ANKRD31: variants seen among roughly 807,000 people sequenced by gnomAD.
The protein encoded by ANKRD31 is ankyrin repeat domain 31, also known as ankyrin repeat domain-containing protein 31.
ANKRD31 carries 147 observed loss-of-function variants against 186.0 expected under a neutral mutation model. The observed-to-expected ratio is 0.79, with a 90% CI of 0.69 to 0.91. The LOEUF (loss-of-function observed/expected upper bound fraction) is 0.91, where lower values mean the gene tolerates loss of function less well. ANKRD31 is among the 40% of genes least tolerant of loss of function. The probability of loss-of-function intolerance (pLI) is 0.00; values close to 1 mark genes in which losing one functional copy is unlikely to be tolerated. For missense variants in ANKRD31, 1,986 were observed against 2,148.8 expected (o/e 0.92, Z 1.50); for synonymous variants, 673 against 736.4 (o/e 0.91, Z 1.39).
chr5:75,175,154 T>C (rs1561504173), intron 10 of ANKRD31, among the ~76,000 whole-genome samples: 1 of 152,212 alleles, frequency 6.6e-6, no homozygotes, highest in Non-Finnish European at 1.5e-5. Context: ...CCGCATGTTC[T>C]CACTCATAGG....
chr5:75,097,944 G>A lies in ANKRD31; in HGVS notation c.5331+6284C>T, dbSNP rs183680256. Reference sequence around the variant, plus strand: ...TTTCCCCATTTCTTGTTTTTGTCAGGTTTGTCAAAGATCAGATCGTTGTAG... The same window carrying A: ...TTTCCCCATTTCTTGTTTTTGTCAGATTTGTCAAAGATCAGATCGTTGTAG... On this transcript the variant is annotated intron_variant, in intron 22 of 25. Transcript: ENST00000506364. Among the ~76,000 whole-genome samples, 120 of 152,044 alleles carry A rather than the reference G, an allele frequency of 7.9e-4. 1 individual carries two copies. The highest frequency in any genetic ancestry group is 2.7e-3 in the African/African-American group (113 of 41,492).
rs1322394445 is a variant in ANKRD31, at chr5:75,169,028, A to C, written c.1658T>G (p.Leu553Ter). The C allele has an allele frequency of 6.5e-7, 1 of 1,536,624 alleles. No homozygotes were observed. Among genetic ancestry groups the C allele is most frequent in the South Asian group, 1.2e-5 (1 of 84,024 alleles). Residue 553 changes from leucine (L) to a stop codon, truncating the protein, a stop_gained, in exon 11 of 26, where the codon TTA becomes TGA. Transcript: ENST00000506364. LOFTEE classifies it high-confidence loss of function. ...KGGADVNIKG[L>*]YQITPLHDAV... ...ATCATGTAGGGGAGTAATCTGGTAT[A>C]ATCCTTTGATATTTACATCTGCTCC... is the stretch of plus-strand genomic sequence containing the variant.
At chr5:75,112,231 C>G (rs1747847470) in intron 20 of ANKRD31, among the ~76,000 whole-genome samples, 1 of 152,174 alleles carries the variant, frequency 6.6e-6, no homozygotes, top group Non-Finnish European at 1.5e-5. Context: ...GCTGGCACTA[C>G]AAGCGCCCGC....
At chr5:75,162,872 GA>G (rs76629287) in intron 11 of ANKRD31, among the ~76,000 whole-genome samples, 31,109 of 151,064 alleles carry the variant, frequency 0.21, 3,406 homozygotes, top group South Asian at 0.4. Flanking sequence ...TTTTAGAAAG[GA>G]AAAAAAAATC....
chr5:75,084,085 G>A, intron 24 of ANKRD31, among the ~76,000 whole-genome samples, 187 bp downstream of exon 24: 1 of 152,194 alleles, frequency 6.6e-6, no homozygotes, highest in Non-Finnish European at 1.5e-5. Flanking sequence ...GAATTATATA[G>A]AGGTGGGTGG....
intron 17 of ANKRD31, among the ~76,000 whole-genome samples, chr5:75,127,271 A>T (rs1414088055): frequency 6.6e-6 from 1 of 151,884 alleles, no homozygotes; most frequent in Non-Finnish European, 1.5e-5. Context: ...TATAAGTAAA[A>T]CTCAGTGTTC....
chr5:75,162,867 G>C (rs904427038), intron 11 of ANKRD31, among the ~76,000 whole-genome samples: 1 of 143,804 alleles, frequency 7.0e-6, no homozygotes, highest in Non-Finnish European at 1.5e-5. Flanking sequence ...TATCCTTTTA[G>C]AAAGGAAAAA....
intron 22 of ANKRD31, among the ~76,000 whole-genome samples, chr5:75,099,688 A>G (rs965020235): frequency 6.6e-6 from 1 of 151,966 alleles, no homozygotes. Context: ...GAATTTATCC[A>G]TTTCTTCTAG....
chr5:75,131,538 C>T lies in ANKRD31; in HGVS notation c.3876+6318G>A, dbSNP rs185363100. Among the ~76,000 whole-genome samples, 122 of 152,336 alleles carry T rather than the reference C, an allele frequency of 8.0e-4. 1 individual carries two copies. The highest frequency in any genetic ancestry group is 7.3e-4 in the Non-Finnish European group (50 of 68,028). On this transcript the variant is annotated intron_variant, in intron 17 of 25. Transcript: ENST00000506364. ...GGCTCAAAATTGGTGGAGCCCACCACAGCTCAAGGAAGGCTGCCTGCCTCT... is the reference window on the plus strand; with the variant it reads ...GGCTCAAAATTGGTGGAGCCCACCATAGCTCAAGGAAGGCTGCCTGCCTCT...
intron 10 of ANKRD31, among the ~76,000 whole-genome samples, chr5:75,184,419 C>T (rs1754554893): frequency 6.6e-6 from 1 of 152,124 alleles, no homozygotes. Context: ...TAAAAACCTT[C>T]TGCACAGCAC....
chr5:75,199,565 C>A, intron 6 of ANKRD31, 66 bp downstream of exon 6: 1 of 1,294,046 alleles, frequency 7.7e-7, no homozygotes, highest in Non-Finnish European at 1.0e-6. Flanking sequence ...ATACTTTAAT[C>A]GACATAATTT....
chr5:75,124,293 G>T (rs1005999287), intron 17 of ANKRD31, among the ~76,000 whole-genome samples: 2 of 152,152 alleles, frequency 1.3e-5, no homozygotes, highest in Non-Finnish European at 2.9e-5. Flanking sequence ...AGATGTTGAT[G>T]AGTATGTGGA....
intron 17 of ANKRD31, among the ~76,000 whole-genome samples, chr5:75,137,397 G>A (rs1325272834): frequency 2.0e-5 from 3 of 151,824 alleles, no homozygotes; most frequent in Non-Finnish European, 4.4e-5. Flanking sequence ...TTTTTACAAC[G>A]GGTGCTTGAT....
At chr5:75,212,953 G>T (rs548516051) in intron 3 of ANKRD31, among the ~76,000 whole-genome samples, 3 of 152,300 alleles carry the variant, frequency 2.0e-5, no homozygotes, top group African/African-American at 7.2e-5. Context: ...CTGAATACAG[G>T]TGGGGGCTGG....
rs577157637 is a variant in ANKRD31 at position 75,100,605 on chromosome 5, T to C, written c.5331+3623A>G. On this transcript the variant is annotated intron_variant, in intron 22 of 25. Coordinates refer to ENST00000506364, the MANE Select transcript of ANKRD31 (RefSeq NM_001372053.1). ...GGACTTGCTTTATGAATCTGGGTGC[T>C]CCTGTATTGGGTGCATATATATTTC... is the stretch of plus-strand genomic sequence containing the variant. 9.2e-5 allele frequency among the ~76,000 whole-genome samples: 14 copies of C among 151,950 alleles called. No individual in the cohort carries two copies. The South Asian group carries it at 2.9e-3, about 32-fold the overall frequency.
intron 3 of ANKRD31, 51 bp from the exon 4 acceptor site, chr5:75,210,916 C>T: frequency 8.2e-7 from 1 of 1,223,432 alleles, no homozygotes; most frequent in East Asian, 2.7e-5. Flanking sequence ...TAATTCAATG[C>T]AACAAGCTAA....
At chr5:75,172,047 A>C (rs1753369900) in intron 10 of ANKRD31, among the ~76,000 whole-genome samples, 1 of 151,846 alleles carries the variant, frequency 6.6e-6, no homozygotes, top group Admixed American at 6.6e-5. Context: ...ATCTTGATCA[A>C]AAGGATCCAG....
chr5:75,106,528 CAAG>C (rs2150061350), intron 21 of ANKRD31, among the ~76,000 whole-genome samples: 1 of 152,046 alleles, frequency 6.6e-6, no homozygotes, highest in Admixed American at 6.6e-5. Flanking sequence ...CTATGTGAAA[CAAG>C]GAGTTCAGAC....
At chr5:75,228,929 C>G (rs1036151114) in intron 2 of ANKRD31, among the ~76,000 whole-genome samples, 2 of 152,154 alleles carry the variant, frequency 1.3e-5, no homozygotes, top group South Asian at 2.1e-4. Flanking sequence ...TAACTTCCCA[C>G]TTAGGTATCA....
Sources: allele counts gnomAD v4.1 joint callset (sites outside exome capture counted in the v4.1 genomes callset), GRCh38; gene constraint gnomAD v4.1.1; transcripts MANE v1.5; gene names NCBI Gene and HGNC (gene_info 2026-07-23, HGNC 2026-07-21).